Variants in EIF2S1 observed in about 807,000 individuals in gnomAD.
The protein encoded by EIF2S1 is eukaryotic translation initiation factor 2 subunit alpha.
EIF2S1 carries 5 observed loss-of-function variants against 33.5 expected under a neutral mutation model. The ratio of observed to expected loss-of-function variants is 0.15; its 90% CI spans 0.08 to 0.31. The LOEUF is 0.31. Among genes scored for constraint, EIF2S1 ranks in the 10% least tolerant of loss-of-function variants. The probability of loss-of-function intolerance (pLI) is 1.00; values close to 1 mark genes in which losing one functional copy is unlikely to be tolerated. For missense variants in EIF2S1, 191 were observed against 384.6 expected (o/e 0.50, Z 4.21); for synonymous variants, 99 against 127.5 (o/e 0.78, Z 1.51).
chr14:67,378,795 TC>T (rs1156830901), intron 4 of EIF2S1, among the ~76,000 whole-genome samples: 36 of 152,274 alleles, frequency 2.4e-4, no homozygotes, highest in African/African-American at 7.2e-4. Context: ...TTTGCATTTT[TC>T]TTTTAATTAC....
intron 2 of EIF2S1, among the ~76,000 whole-genome samples, chr14:67,370,243 AT>A (rs2085811564): frequency 3.3e-5 from 5 of 152,182 alleles, no homozygotes; most frequent in African/African-American, 9.7e-5. Context: ...TAGGACCATT[AT>A]GGACATGTCG....
At chr14:67,371,553 T>G (rs2085821718) in intron 2 of EIF2S1, among the ~76,000 whole-genome samples, 1 of 152,352 alleles carries the variant, frequency 6.6e-6, no homozygotes, top group African/African-American at 2.4e-5. Flanking sequence ...ATAGACCTTA[T>G]AGCCTATACA....
At position 67,363,684 on chromosome 14, in the gene EIF2S1, G is replaced by A. The variant is rs114362295; in HGVS notation, c.-1-1083G>A. Reference sequence around the variant, plus strand: ...AGAAAGTTGTACCACAAGGAGATAGGCAATGGCCAGATCATATAGGATTCT... The same window carrying A: ...AGAAAGTTGTACCACAAGGAGATAGACAATGGCCAGATCATATAGGATTCT... On this transcript the variant is annotated intron_variant, in intron 1 of 7. Transcript: ENST00000256383. Among the ~76,000 whole-genome samples the A allele has an allele frequency of 9.4e-3, 1,435 of 152,236 alleles. 17 individuals are homozygous for A. The highest frequency in any genetic ancestry group is 0.028 in the African/African-American group (1,179 of 41,542).
At chr14:67,366,403 AG>A (rs2085779362) in intron 2 of EIF2S1, among the ~76,000 whole-genome samples, 1 of 152,218 alleles carries the variant, frequency 6.6e-6, no homozygotes, top group Non-Finnish European at 1.5e-5. Flanking sequence ...TATACACAAA[AG>A]GAGGAATCAA....
intron 2 of EIF2S1, among the ~76,000 whole-genome samples, chr14:67,367,947 TC>T (rs1473078482): frequency 6.6e-6 from 1 of 152,238 alleles, no homozygotes; most frequent in Non-Finnish European, 1.5e-5. Flanking sequence ...CTTCTTAGTT[TC>T]TTTAAAAATA....
At position 67,383,627 on chromosome 14, in the gene EIF2S1, A is replaced by T. The variant is rs1313284380; in HGVS notation, c.*187A>T. On this transcript the variant is annotated 3_prime_UTR_variant, in exon 8 of 8. Coordinates refer to ENST00000256383, the MANE Select transcript of EIF2S1 (RefSeq NM_004094.5). The stretch of plus-strand genomic sequence containing the variant: ...TAAATGTCAGCTGTTGTCACACAGT[A>T]GCTCCAACACTTTGAGCATTTTTAA... The T allele has an allele frequency of 2.8e-6, 2 of 723,994 alleles. No homozygotes were observed. The highest frequency in any genetic ancestry group is 1.8e-5 in the African/African-American group (1 of 55,964). The allele number at this position is 723,994 out of a possible 1,614,324, so 44.8% of individuals were successfully genotyped here. A position where few individuals can be genotyped will look rare whatever the true frequency, so the allele number is the denominator to read the frequency against.
chr14:67,360,592 C>G (rs2085729038), intron 1 of EIF2S1, 136 bp downstream of exon 1: 1 of 178,112 alleles, frequency 5.6e-6, no homozygotes, highest in Admixed American at 6.3e-5. Context: ...TGGACAGCAC[C>G]GCCACCACCC....
intron 2 of EIF2S1, among the ~76,000 whole-genome samples, chr14:67,372,570 C>T (rs748394186): frequency 1.7e-4 from 26 of 152,166 alleles, no homozygotes; most frequent in Non-Finnish European, 2.8e-4. Flanking sequence ...GTGGCTCACG[C>T]CTGTTATCCC....
At chr14:67,381,296 A>G (rs1458623396) in intron 5 of EIF2S1, among the ~76,000 whole-genome samples, 1 of 152,230 alleles carries the variant, frequency 6.6e-6, no homozygotes, top group African/African-American at 2.4e-5. Flanking sequence ...CCCTTATATT[A>G]TACATACTTA....
intron 4 of EIF2S1, among the ~76,000 whole-genome samples, chr14:67,379,191 G>A (rs903276400): frequency 1.3e-5 from 2 of 152,158 alleles, no homozygotes; most frequent in Admixed American, 1.3e-4. Context: ...GTCTCTATAT[G>A]TAGTTGTTTG....
chr14:67,382,847 AAAG>A (rs1281306988), intron 7 of EIF2S1, among the ~76,000 whole-genome samples: 6 of 152,100 alleles, frequency 3.9e-5, no homozygotes, highest in Non-Finnish European at 5.9e-5. Context: ...GGAGAAAAAA[AAAG>A]TTGTCTCCTG....
At chr14:67,366,831 T>C (rs193193394) in intron 2 of EIF2S1, among the ~76,000 whole-genome samples, 30 of 138,980 alleles carry the variant, frequency 2.2e-4, no homozygotes, top group Non-Finnish European at 3.9e-4. Flanking sequence ...AGTCGACACT[T>C]ATAAGAAAGG....
chr14:67,363,153 T>C (rs1448806165), intron 1 of EIF2S1, among the ~76,000 whole-genome samples: 3 of 152,192 alleles, frequency 2.0e-5, no homozygotes, highest in African/African-American at 7.2e-5. Flanking sequence ...TTGAAACTTT[T>C]TAGCTCTCAA....
Position 67,379,654 on chromosome 14 carries a change from C to CTTTTTTTTTTTTTTTT in EIF2S1, c.474-1002_474-987dup. On this transcript the variant is annotated intron_variant, in intron 4 of 7. Transcript: ENST00000256383. ...GACATAACTTTCTTTTTTTCTTTTT[C>CTTTTTTTTTTTTTTTT]TTTTTTTTTTTTTTTTTTGAGACGG... 1.2e-3 allele frequency among the ~76,000 whole-genome samples: 146 copies of CTTTTTTTTTTTTTTTT among 119,944 alleles called. 5 individuals are homozygous for CTTTTTTTTTTTTTTTT. Among genetic ancestry groups the CTTTTTTTTTTTTTTTT allele is most frequent in the East Asian group, 7.7e-3 (26 of 3,368 alleles). The allele number at this position is 119,944 out of a possible 152,430, so 78.7% of individuals were successfully genotyped here.
At chr14:67,364,614 G>C (rs2085762134) in intron 1 of EIF2S1, 153 bp from the exon 2 acceptor site, 1 of 702,026 alleles carries the variant, frequency 1.4e-6, no homozygotes, top group Non-Finnish European at 2.2e-6. Flanking sequence ...CTGTTTTCTG[G>C]TACCACTTAA....
chr14:67,383,257 A>C lies in EIF2S1; in HGVS notation c.823-58A>C, dbSNP rs913980625. ...AAACATTAGGCAGTAATAGTATTGA[A>C]ATTAAATTTGTATAGTATTTACTAC... On this transcript the variant is annotated intron_variant, in intron 7 of 7. Transcript: ENST00000256383. The C allele has an allele frequency of 5.7e-6, 9 of 1,568,576 alleles. No homozygotes were observed. The African/African-American group carries it at 1.2e-4, about 21-fold the overall frequency.
chr14:67,374,066 T>C (rs2085843165), intron 2 of EIF2S1, among the ~76,000 whole-genome samples: 1 of 152,154 alleles, frequency 6.6e-6, no homozygotes, highest in East Asian at 1.9e-4. Context: ...AAAAATTTAT[T>C]TCTGAAAACA....
rs2141127167 is a variant in EIF2S1, at chr14:67,364,479, C to T, written c.-1-288C>T. On this transcript the variant is annotated intron_variant, in intron 1 of 7. Transcript: ENST00000256383. The stretch of plus-strand genomic sequence containing the variant: ...TGAGGTATTCCTTTAATCCTTAGGT[C>T]TTGGAGTACTTTATAGATGGTCATT... 1.0e-5 allele frequency: 3 copies of T among 290,372 alleles called. No individual in the cohort carries two copies. In the South Asian group the frequency reaches 1.3e-4, roughly 12 times the overall value. 18.0% of individuals were successfully genotyped at this position (290,372 alleles called of 1,614,324 possible). A position where few individuals can be genotyped will look rare whatever the true frequency, so the allele number is the denominator to read the frequency against.
rs1213551769 is a variant in EIF2S1, at chr14:67,382,432, G to A, written c.679-15G>A. 1 of 1,603,598 alleles carries A rather than the reference G, an allele frequency of 6.2e-7. No individual in the cohort carries two copies. The highest frequency in any genetic ancestry group is 8.5e-7 in the Non-Finnish European group (1 of 1,174,978). ...TAGGTACATTCATAAATGAATTTTT[G>A]TCTTTCTCTTTTAGATTAATCTAAT... On this transcript the variant is annotated splice_polypyrimidine_tract_variant and intron_variant, in intron 6 of 7. Transcript: ENST00000256383.
Sources: gnomAD v4.1 joint callset for allele counts (sites outside exome capture counted in the v4.1 genomes callset) on GRCh38, gnomAD v4.1.1 for gene constraint, MANE v1.5 for transcripts, NCBI Gene and HGNC (gene_info 2026-07-23, HGNC 2026-07-21) for gene names.